Variants in GANC observed in about 807,000 individuals in gnomAD.
GANC encodes the protein glucosidase alpha, neutral C, also known as neutral alpha-glucosidase C.
In GANC, 117 loss-of-function variants were observed where a neutral mutation model predicts 124.2. The observed-to-expected ratio is 0.94, with a 90% CI of 0.81 to 1.10. The LOEUF (loss-of-function observed/expected upper bound fraction) is 1.10, where lower values mean the gene tolerates loss of function less well. Ranked by LOEUF, GANC falls within the 50% of genes least tolerant of loss-of-function variation. The probability of loss-of-function intolerance (pLI) is 0.00; values close to 1 mark genes in which losing one functional copy is unlikely to be tolerated. For synonymous variants in GANC, 377 were observed against 376.8 expected, an observed-to-expected ratio of 1.00 and a Z score of -0.01; for missense variants, 1,140 against 1,095.0, an observed-to-expected ratio of 1.04 and a Z score of -0.58.
rs1172227046 is a variant in GANC, at chr15:42,327,400, C to T, written c.1458C>T (p.Val486=). Residue 486 remains valine (V), a synonymous_variant, in exon 13 of 24, where the codon GTC becomes GTT. Coordinates refer to ENST00000318010, the MANE Select transcript of GANC (RefSeq NM_198141.3). ...SSYLDFTNPK[V]REWYSSLFAF... is the part of the protein sequence containing the mutation. ...ACCTGGATTTCACCAATCCCAAGGTCAGAGAGTGGTATTCAAGTCTTTTTG... is the reference window on the plus strand; with the variant it reads ...ACCTGGATTTCACCAATCCCAAGGTTAGAGAGTGGTATTCAAGTCTTTTTG... 6.8e-6 allele frequency: 11 copies of T among 1,613,508 alleles called. No individual in the cohort carries two copies. The highest frequency in any genetic ancestry group is 9.3e-6 in the Non-Finnish European group (11 of 1,179,650).
intron 6 of GANC, among the ~76,000 whole-genome samples, chr15:42,298,607 A>G (rs551918848): frequency 7.1e-4 from 108 of 152,226 alleles, no homozygotes; most frequent in Non-Finnish European, 1.2e-3. Context: ...TGAAGAATGG[A>G]CACTCCAGAA....
chr15:42,314,876 G>A (rs2052089072), intron 10 of GANC: 1 of 152,138 alleles, frequency 6.6e-6, no homozygotes, highest in South Asian at 2.1e-4. Context: ...ATAAATGCAG[G>A]TTGTCTACTA....
intron 3 of GANC, among the ~76,000 whole-genome samples, chr15:42,279,916 C>T (rs1016263352): frequency 6.6e-6 from 1 of 152,084 alleles, no homozygotes; most frequent in African/African-American, 2.4e-5. Flanking sequence ...ATTGTAAGGC[C>T]TTTAATTTAG....
At chr15:42,336,242 G>C (rs116711175) in intron 15 of GANC, among the ~76,000 whole-genome samples, 4 of 151,872 alleles carry the variant, frequency 2.6e-5, no homozygotes, top group African/African-American at 9.7e-5. Flanking sequence ...CTACTACAAG[G>C]CTGCAGTAAC....
intron 2 of GANC, among the ~76,000 whole-genome samples, chr15:42,277,850 C>T (rs913377782): frequency 2.6e-5 from 4 of 151,216 alleles, no homozygotes; most frequent in African/African-American, 7.3e-5. Flanking sequence ...GATCCATCCA[C>T]CTCGGCCTCC....
Position 42,343,134 on chromosome 15 carries a change from T to G in GANC, c.2209T>G (p.Phe737Val), listed in dbSNP as rs946122391. ...ACCAAAAGCCACCACAGTTGATGTG[T>G]TTCTTCCAGGATCAAATGAGGTAAG... is the stretch of plus-strand genomic sequence containing the variant. The part of the protein sequence containing the change: ...TEPKATTVDV[F>V]LPGSNEVWYD... Residue 737 changes from phenylalanine (F) to valine (V), a missense_variant, in exon 19 of 24, where the codon TTT becomes GTT. Coordinates refer to ENST00000318010, the MANE Select transcript of GANC (RefSeq NM_198141.3). 7.4e-6 allele frequency: 12 copies of G among 1,614,082 alleles called. No individual in the cohort carries two copies. The highest frequency in any genetic ancestry group is 1.0e-5 in the Non-Finnish European group (12 of 1,179,936).
intron 3 of GANC, chr15:42,283,895 A>G (rs1258385387): frequency 1.4e-6 from 1 of 702,668 alleles, no homozygotes; most frequent in Non-Finnish European, 2.6e-6. Context: ...GGAACAGGCC[A>G]GTGCCCAGCG....
At chr15:42,288,351 C>G (rs2051811399) in intron 4 of GANC, among the ~76,000 whole-genome samples, 1 of 152,124 alleles carries the variant, frequency 6.6e-6, no homozygotes, top group South Asian at 2.1e-4. Flanking sequence ...GAAAAACAAT[C>G]TTTGGGGACT....
At chr15:42,321,341 A>AT (rs2052154890) in intron 10 of GANC, among the ~76,000 whole-genome samples, 1 of 152,004 alleles carries the variant, frequency 6.6e-6, no homozygotes, top group Non-Finnish European at 1.5e-5. Context: ...ACCCTTGAAT[A>AT]TTTATTTTTC....
At position 42,349,154 on chromosome 15, in the gene GANC, C is replaced by A. The variant is rs566091381; in HGVS notation, c.2419-229C>A. On this transcript the variant is annotated intron_variant, in intron 21 of 23. Transcript: ENST00000318010. ...CTGAACATACTTCACAGTTTAAATT[C>A]TTTGAACAAAGCCTAACTCTTTGTG... Among the ~76,000 whole-genome samples, 8 of 152,296 alleles carry A rather than the reference C, an allele frequency of 5.3e-5. 1 individual carries two copies. In the South Asian group the frequency reaches 1.4e-3, roughly 28 times the overall value.
At chr15:42,314,467 G>T in intron 10 of GANC, 2 of 310,604 alleles carry the variant, frequency 6.4e-6, no homozygotes, top group Admixed American at 4.8e-5. Flanking sequence ...CTCAGGAGCT[G>T]TTATGGTCCT....
intron 15 of GANC, among the ~76,000 whole-genome samples, chr15:42,332,947 GGCAGGGGTT>G (rs1259080448): frequency 6.7e-6 from 1 of 150,218 alleles, no homozygotes; most frequent in Non-Finnish European, 1.5e-5. Context: ...GAACCTGGGA[GGCAGGGGTT>G]GCAGTGAGCA....
intron 10 of GANC, chr15:42,313,970 C>CAACAACAACAA (rs2052079948): frequency 6.1e-6 from 4 of 657,352 alleles, no homozygotes; most frequent in South Asian, 1.7e-5. Context: ...ACAGCAACAA[C>CAACAACAACAA]AACAACAAAA....
intron 4 of GANC, among the ~76,000 whole-genome samples, chr15:42,291,145 G>C (rs1160029926): frequency 6.6e-6 from 1 of 151,908 alleles, no homozygotes; most frequent in Non-Finnish European, 1.5e-5. Flanking sequence ...AAAATTATAA[G>C]ACTATATAAT....
intron 6 of GANC, among the ~76,000 whole-genome samples, chr15:42,305,565 A>G (rs1366727336): frequency 6.6e-6 from 1 of 152,250 alleles, no homozygotes; most frequent in East Asian, 1.9e-4. Context: ...AGAACCAGAA[A>G]TACCATCGGA....
chr15:42,338,807 G>GA (rs2052304167), intron 16 of GANC, among the ~76,000 whole-genome samples: 2 of 151,976 alleles, frequency 1.3e-5, no homozygotes, highest in Admixed American at 1.3e-4. Context: ...TTTTCTTCTT[G>GA]AAAGTGAGAA....
intron 4 of GANC, among the ~76,000 whole-genome samples, chr15:42,290,610 C>T (rs1230694483): frequency 1.3e-5 from 2 of 152,030 alleles, no homozygotes; most frequent in African/African-American, 4.8e-5. Context: ...GGGTTGTAGA[C>T]CAGACTGGAC....
intron 21 of GANC, 64 bp downstream of exon 21, chr15:42,348,280 T>C (rs962723722): frequency 7.4e-5 from 70 of 950,714 alleles, no homozygotes; most frequent in Non-Finnish European, 1.1e-4. Context: ...GCCTTTTGAG[T>C]GTGTGACACT....
chr15:42,305,834 AAC>A (rs759879219), intron 6 of GANC, among the ~76,000 whole-genome samples: 6 of 152,116 alleles, frequency 3.9e-5, no homozygotes, highest in Non-Finnish European at 7.3e-5. Context: ...TCAGCAAACT[AAC>A]ACAGGAACAG....
Sources: gnomAD v4.1 joint callset for allele counts (sites outside exome capture counted in the v4.1 genomes callset) on GRCh38, gnomAD v4.1.1 for gene constraint, MANE v1.5 for transcripts, NCBI Gene and HGNC (gene_info 2026-07-23, HGNC 2026-07-21) for gene names.